Variants in DAB1 observed in about 807,000 individuals in gnomAD.
The protein encoded by DAB1 is disabled homolog 1.
DAB1 carries 15 observed loss-of-function variants against 64.6 expected under a neutral mutation model. The ratio of observed to expected loss-of-function variants is 0.23; its 90% CI spans 0.16 to 0.36. DAB1 has a LOEUF of 0.36. Ranked by LOEUF, DAB1 falls within the 10% of genes least tolerant of loss-of-function variation. The pLI is 1.00. For missense variants in DAB1, 596 were observed against 706.7 expected (o/e 0.84, Z 1.78); for synonymous variants, 235 against 251.9 (o/e 0.93, Z 0.64).
chr1:57,130,284 C>A (rs781294326), intron 4 of DAB1, among the ~76,000 whole-genome samples: 16 of 152,230 alleles, frequency 1.1e-4, no homozygotes, highest in Middle Eastern at 3.4e-3. Flanking sequence ...TTAAATTAAT[C>A]TTTCACCAAC....
chr1:58,204,555 G>A (rs1439494976), intron 4 of DAB1, among the ~76,000 whole-genome samples: 1 of 152,158 alleles, frequency 6.6e-6, no homozygotes, highest in Non-Finnish European at 1.5e-5. Flanking sequence ...ACACAGATTA[G>A]CTCTGTGGGC....
chr1:57,304,405 GC>G (rs1237401259), intron 1 of DAB1, among the ~76,000 whole-genome samples: 18 of 151,518 alleles, frequency 1.2e-4, no homozygotes, highest in Admixed American at 1.1e-3. Flanking sequence ...TGAGATTTGG[GC>G]AGGGACACAG....
At chr1:57,659,716 C>T (rs1232324610) in intron 6 of DAB1, among the ~76,000 whole-genome samples, 1 of 152,114 alleles carries the variant, frequency 6.6e-6, no homozygotes, top group Non-Finnish European at 1.5e-5. Flanking sequence ...TGGCTCACAT[C>T]TGTAATCCCC....
At chr1:57,731,278 A>G (rs773233526) in intron 6 of DAB1, among the ~76,000 whole-genome samples, 7 of 152,212 alleles carry the variant, frequency 4.6e-5, no homozygotes, top group Non-Finnish European at 1.0e-4. Flanking sequence ...AGTCAAACTC[A>G]TAAAGACAGA....
At chr1:57,000,637 A>C (rs1365303707) in intron 14 of DAB1, among the ~76,000 whole-genome samples, 1 of 152,210 alleles carries the variant, frequency 6.6e-6, no homozygotes, top group Non-Finnish European at 1.5e-5. Flanking sequence ...CTACAAGTGC[A>C]GTAGGTGGAG....
intron 7 of DAB1, chr1:57,605,972 G>C: frequency 1.5e-6 from 1 of 682,676 alleles, no homozygotes. Flanking sequence ...ATCTGGAAAC[G>C]ACCTCATGTC....
intron 9 of DAB1, among the ~76,000 whole-genome samples, chr1:57,055,366 C>T (rs377082583): frequency 1.1e-4 from 17 of 152,042 alleles, no homozygotes; most frequent in Admixed American, 9.2e-4. Context: ...AAATACACAA[C>T]GAAAAGCATC....
intron 2 of DAB1, among the ~76,000 whole-genome samples, chr1:57,179,226 G>A (rs1302758223): frequency 2.0e-5 from 3 of 152,152 alleles, no homozygotes; most frequent in Non-Finnish European, 2.9e-5. Flanking sequence ...GCTCTTCCAG[G>A]CAGTGGTGCT....
intron 7 of DAB1, among the ~76,000 whole-genome samples, chr1:57,432,238 A>G (rs75445163): frequency 0.01 from 1,552 of 152,320 alleles, 22 homozygotes; most frequent in African/African-American, 0.036. Context: ...GGTTAAAAGC[A>G]TGACAGATAT....
At chr1:57,056,988 T>A (rs1172227471) in intron 9 of DAB1, among the ~76,000 whole-genome samples, 1 of 152,132 alleles carries the variant, frequency 6.6e-6, no homozygotes, top group Non-Finnish European at 1.5e-5. Flanking sequence ...AAGAAAAAGT[T>A]CAGCAAGAGT....
At chr1:58,162,260 C>T (rs765989124) in intron 4 of DAB1, among the ~76,000 whole-genome samples, 2 of 152,148 alleles carry the variant, frequency 1.3e-5, no homozygotes, top group Non-Finnish European at 2.9e-5. Flanking sequence ...AACCTCTGCA[C>T]CCAGGTATAT....
intron 2 of DAB1, among the ~76,000 whole-genome samples, chr1:58,513,930 G>A (rs924517258): frequency 2.0e-5 from 3 of 152,182 alleles, no homozygotes; most frequent in African/African-American, 7.2e-5. Context: ...GTAGTCTGGT[G>A]ACAGAGTTTT....
chr1:58,380,792 G>A (rs892608661), intron 3 of DAB1, among the ~76,000 whole-genome samples: 1 of 152,074 alleles, frequency 6.6e-6, no homozygotes, highest in African/African-American at 2.4e-5. Flanking sequence ...CACCATGATG[G>A]GCATGGAGTA....
intron 5 of DAB1, among the ~76,000 whole-genome samples, chr1:58,016,096 C>G (rs906788941): frequency 2.6e-5 from 4 of 152,042 alleles, no homozygotes; most frequent in Non-Finnish European, 4.4e-5. Context: ...AAATAACTAA[C>G]CTGGCCTCTG....
chr1:56,997,390 T>A lies in DAB1; in HGVS notation c.*754A>T, dbSNP rs1194737227. 1.3e-5 allele frequency: 2 copies of A among 152,202 alleles called. No homozygotes were observed. The highest frequency in any genetic ancestry group is 2.9e-5 in the Non-Finnish European group (2 of 68,034). The allele number at this position is 152,202 out of a possible 1,614,324, so 9.4% of individuals were successfully genotyped here. ...CCAGGATGCAGAATAGCTAAAGGAC[T>A]GTTTTGGCAACATTCGTGATCATAA... On this transcript the variant is annotated 3_prime_UTR_variant, in exon 15 of 15. Transcript: ENST00000371236.
intron 1 of DAB1, among the ~76,000 whole-genome samples, chr1:57,328,354 T>C (rs536687466): frequency 1.3e-5 from 2 of 151,922 alleles, no homozygotes; most frequent in African/African-American, 2.4e-5. Flanking sequence ...CCACGTGGGG[T>C]GCTATACTCA....
intron 2 of DAB1, among the ~76,000 whole-genome samples, chr1:57,286,361 G>A (rs1672315107): frequency 6.6e-6 from 1 of 151,682 alleles, no homozygotes; most frequent in African/African-American, 2.4e-5. Flanking sequence ...TAATAAGAGG[G>A]GGAAAAAAAA....
At chr1:57,790,877 A>ACACACT (rs1650565104) in intron 6 of DAB1, among the ~76,000 whole-genome samples, 1 of 152,186 alleles carries the variant, frequency 6.6e-6, no homozygotes, top group Non-Finnish European at 1.5e-5. Context: ...ATTACTACAC[A>ACACACT]CACACTCACA....
At chr1:57,458,741 C>T (rs539179001) in intron 7 of DAB1, among the ~76,000 whole-genome samples, 45 of 152,046 alleles carry the variant, frequency 3.0e-4, no homozygotes, top group African/African-American at 1.0e-3. Context: ...ATGCATTATT[C>T]GTGTTTCCAA....
Sources: allele counts gnomAD v4.1 joint callset (sites outside exome capture counted in the v4.1 genomes callset), GRCh38; gene constraint gnomAD v4.1.1; transcripts MANE v1.5; gene names NCBI Gene and HGNC (gene_info 2026-07-23, HGNC 2026-07-21).